BTD: variants seen among roughly 807,000 people sequenced by gnomAD.
BTD encodes the protein biocytinase.
In BTD, 13 loss-of-function variants were observed where a neutral mutation model predicts 17.7. The ratio of observed to expected loss-of-function variants is 0.74; its 90% confidence interval spans 0.48 to 1.17. The LOEUF (loss-of-function observed/expected upper bound fraction) is 1.17. Ranked by LOEUF, BTD falls within the 50% of genes most tolerant of loss-of-function variation. BTD has a pLI of 0.00. For missense variants in BTD, 674 were observed against 650.4 expected (o/e 1.04, Z -0.39); for synonymous variants, 240 against 245.2 (o/e 0.98, Z 0.20).
downstream of BTD, among the ~76,000 whole-genome samples, chr3:15,713,286 T>G (rs1174192817): frequency 6.6e-6 from 1 of 152,166 alleles, no homozygotes; most frequent in Non-Finnish European, 1.5e-5. Context: ...TGATCAAAAC[T>G]GCGTTATTAC....
chr3:15,648,991 G>A lies in BTD; in HGVS notation c.*3503G>A, dbSNP rs2065754624. 6.6e-6 allele frequency among the ~76,000 whole-genome samples: 1 copy of A among 152,176 alleles called. No homozygotes were observed. The highest frequency in any genetic ancestry group is 1.5e-5 in the Non-Finnish European group (1 of 68,032). On this transcript the variant is annotated 3_prime_UTR_variant, in exon 4 of 4. Coordinates refer to ENST00000643237, the MANE Select transcript of BTD (RefSeq NM_001370658.1). ...CCCCACACACAACCCACCCCTGCAG[G>A]TTTCAGAAGAAGCATGGCTCTGCCA...
intron 3 of BTD, chr3:15,679,572 G>A (rs1401418109): frequency 1.9e-6 from 3 of 1,602,288 alleles, no homozygotes; most frequent in South Asian, 2.2e-5. Flanking sequence ...ACCTAAATAG[G>A]TGTAAAGAAC....
Position 15,653,482 on chromosome 3 carries a change from C to G in BTD, c.*7994C>G, listed in dbSNP as rs1296826417. Among the ~76,000 whole-genome samples, 1 of 152,370 alleles carries G rather than the reference C, an allele frequency of 6.6e-6. No individual in the cohort carries two copies. The highest frequency in any genetic ancestry group is 2.1e-4 in the South Asian group (1 of 4,828). On this transcript the variant is annotated 3_prime_UTR_variant, in exon 4 of 4. Transcript: ENST00000643237. ...TAATGCACAGCCAGTGTTTCAACGTCGCCAACCCAGAAATGTTTTCTCTCC... is the reference window on the plus strand; with the variant it reads ...TAATGCACAGCCAGTGTTTCAACGTGGCCAACCCAGAAATGTTTTCTCTCC...
rs139455390 is a variant in BTD, at chr3:15,633,224, A to T, written c.-16-2200A>T. Among the ~76,000 whole-genome samples, 601 of 152,264 alleles carry T rather than the reference A, an allele frequency of 3.9e-3. 3 individuals are homozygous for T. The highest frequency in any genetic ancestry group is 0.014 in the African/African-American group (567 of 41,542). On this transcript the variant is annotated intron_variant, in intron 1 of 3. Coordinates refer to ENST00000643237, the MANE Select transcript of BTD (RefSeq NM_001370658.1). ...TCCCTCCTCCCCCTCCCACCCCAGT[A>T]ATTTCAATCCAAGGTTGGTGGAATC... is the stretch of plus-strand genomic sequence containing the variant.
chr3:15,667,097 T>C (rs920445445), intron 3 of BTD: 1 of 152,176 alleles, frequency 6.6e-6, no homozygotes, highest in African/African-American at 2.4e-5. Context: ...GAAAATCCCA[T>C]ATAGATAGGT....
intron 3 of BTD, among the ~76,000 whole-genome samples, chr3:15,694,493 G>A (rs543464524): frequency 6.6e-6 from 1 of 151,594 alleles, no homozygotes; most frequent in East Asian, 1.9e-4. Context: ...AGGCCCTGGG[G>A]GAAGCCTAAG....
intron 3 of BTD, chr3:15,685,973 T>C (rs771090646): frequency 2.5e-6 from 4 of 1,581,130 alleles, no homozygotes; most frequent in Non-Finnish European, 2.6e-6. Flanking sequence ...TAAAAGCTTT[T>C]TGAAAGGAAA....
In BTD at chr3:15,633,932, C is replaced by T. The variant is rs575368140; in HGVS notation, c.-16-1492C>T. 8.5e-5 allele frequency among the ~76,000 whole-genome samples: 13 copies of T among 152,344 alleles called. No homozygotes were observed. In the South Asian group the frequency reaches 2.7e-3, roughly 32 times the overall value. On this transcript the variant is annotated intron_variant, in intron 1 of 3. Coordinates refer to ENST00000643237, the MANE Select transcript of BTD (RefSeq NM_001370658.1). ...CTACTCAAAAACTCATGACTGCTCA[C>T]TCAAAGACTCCTTGTTCTTATCTTA... is the stretch of plus-strand genomic sequence containing the variant.
intron 1 of BTD, among the ~76,000 whole-genome samples, chr3:15,613,921 CTT>C (rs1412934660): frequency 6.6e-6 from 1 of 152,052 alleles, no homozygotes; most frequent in Non-Finnish European, 1.5e-5. Flanking sequence ...GGCAATCTCT[CTT>C]CCCTCTGGTT....
intron 1 of BTD, among the ~76,000 whole-genome samples, chr3:15,605,804 G>A (rs186145190): frequency 6.6e-6 from 1 of 152,230 alleles, no homozygotes; most frequent in East Asian, 1.9e-4. Flanking sequence ...AGCACTTTGG[G>A]AGGCCGAGGT....
Position 15,648,171 on chromosome 3 carries a change from GT to G in BTD, c.*2684del. Among the ~76,000 whole-genome samples, 1 of 152,376 alleles carries G rather than the reference GT, an allele frequency of 6.6e-6. No individual in the cohort carries two copies. Among genetic ancestry groups the G allele is most frequent in the East Asian group, 1.9e-4 (1 of 5,194 alleles). ...AAGATCTCCTCAGAGAGGACCGATG[GT>G]GAGTCGGCCGCTCTTGATTCTCAAT... is the stretch of plus-strand genomic sequence containing the variant. On this transcript the variant is annotated 3_prime_UTR_variant, in exon 4 of 4. Coordinates refer to ENST00000643237, the MANE Select transcript of BTD (RefSeq NM_001370658.1).
intron 1 of BTD, among the ~76,000 whole-genome samples, chr3:15,620,205 A>G (rs543775156): frequency 6.6e-6 from 1 of 152,362 alleles, no homozygotes; most frequent in Non-Finnish European, 1.5e-5. Flanking sequence ...CGGATTTACC[A>G]GGGCTGAGTT....
rs987927989 is a variant in BTD, at chr3:15,650,715, G to T, written c.*5227G>T. The stretch of plus-strand genomic sequence containing the variant: ...AAAGTCTCAGAGATGAACAACCTGG[G>T]CTCTTGCTTAGGGCACGTGCCCATC... On this transcript the variant is annotated 3_prime_UTR_variant, in exon 4 of 4. Coordinates refer to ENST00000643237, the MANE Select transcript of BTD (RefSeq NM_001370658.1). 6.6e-6 allele frequency among the ~76,000 whole-genome samples: 1 copy of T among 152,178 alleles called. No individual in the cohort carries two copies. Among genetic ancestry groups the T allele is most frequent in the Non-Finnish European group, 1.5e-5 (1 of 68,018 alleles).
At chr3:15,632,035 TTG>T (rs2065223265) in intron 1 of BTD, among the ~76,000 whole-genome samples, 1 of 152,166 alleles carries the variant, frequency 6.6e-6, no homozygotes, top group Non-Finnish European at 1.5e-5. Context: ...TTGCTGTTTC[TTG>T]CACCCGCCCG....
chr3:15,720,617 C>T (rs1211895715), intron 4 of BTD, among the ~76,000 whole-genome samples: 1 of 152,010 alleles, frequency 6.6e-6, no homozygotes, highest in Non-Finnish European at 1.5e-5. Flanking sequence ...ACATAACGTC[C>T]CTTCATGCCC....
Position 15,635,343 on chromosome 3 carries a change from T to C in BTD, c.-16-81T>C, listed in dbSNP as rs541313817. The C allele has an allele frequency of 3.1e-6, 5 of 1,599,068 alleles. No individual in the cohort carries two copies. In the African/African-American group the frequency reaches 6.7e-5, roughly 21 times the overall value. Reference sequence around the variant, plus strand: ...TGCGAGTGAGTTTAATTGCTGGGATTAATAAATCACAGCTGCAAACGTTAA... The same window carrying C: ...TGCGAGTGAGTTTAATTGCTGGGATCAATAAATCACAGCTGCAAACGTTAA... On this transcript the variant is annotated intron_variant, in intron 1 of 3. Coordinates refer to ENST00000643237, the MANE Select transcript of BTD (RefSeq NM_001370658.1). The surrounding 1 kb of genome is among the most constrained non-coding windows in gnomAD (Gnocchi z 4.1).
chr3:15,611,017 G>A (rs779597697), intron 1 of BTD, among the ~76,000 whole-genome samples: 15 of 151,204 alleles, frequency 9.9e-5, no homozygotes, highest in Non-Finnish European at 1.8e-4. Flanking sequence ...GATGAACAAT[G>A]CATAATTTTT....
At position 15,696,833 on chromosome 3, in the gene BTD, A is replaced by C. The variant is rs149703829; in HGVS notation, c.400-13227A>C. Among the ~76,000 whole-genome samples the C allele has an allele frequency of 1.6e-3, 244 of 152,266 alleles. 4 individuals are homozygous for C. In the East Asian group the frequency reaches 0.035, roughly 22 times the overall value. On this transcript the variant is annotated intron_variant, in intron 3 of 3. Transcript: ENST00000672141. ...GTGATAATAAAATATGAGGAAAATA[A>C]TTTTAAAAAACACTATATGTAAAAC...
At chr3:15,612,631 G>A (rs931070880) in intron 1 of BTD, among the ~76,000 whole-genome samples, 2 of 151,274 alleles carry the variant, frequency 1.3e-5, no homozygotes, top group Non-Finnish European at 2.9e-5. Context: ...CTCTTTTCAA[G>A]CTATAAATTG....
Sources: gnomAD v4.1 joint callset for allele counts (sites outside exome capture counted in the v4.1 genomes callset) on GRCh38, gnomAD v4.1.1 for gene constraint, Gnocchi (gnomAD v3.1) non-coding constraint, MANE v1.5 for transcripts, NCBI Gene and HGNC (gene_info 2026-07-23, HGNC 2026-07-21) for gene names.